SCN2A: variants seen among roughly 807,000 people sequenced by gnomAD.
The protein encoded by SCN2A is sodium channel protein type 2 subunit alpha.
SCN2A carries 20 observed loss-of-function variants against 188.7 expected under a neutral mutation model. The ratio of observed to expected loss-of-function variants is 0.11; its 90% CI spans 0.07 to 0.15. The LOEUF (loss-of-function observed/expected upper bound fraction) is 0.15. Among genes scored for constraint, SCN2A ranks in the 10% least tolerant of loss-of-function variants. SCN2A has a pLI of 1.00. For missense variants in SCN2A, 1,278 were observed against 2,445.0 expected (o/e 0.52, Z 10.07); for synonymous variants, 804 against 833.1 (o/e 0.97, Z 0.60).
intron 13 of SCN2A, 147 bp downstream of exon 13, chr2:165,327,131 C>T: frequency 9.9e-7 from 1 of 1,010,866 alleles, no homozygotes; most frequent in Non-Finnish European, 1.5e-6. Flanking sequence ...GTGCATAACT[C>T]ATGGATTCTA....
At chr2:165,364,049 A>G (rs1204316322) in intron 17 of SCN2A, among the ~76,000 whole-genome samples, 2 of 152,204 alleles carry the variant, frequency 1.3e-5, no homozygotes, top group African/African-American at 4.8e-5. Flanking sequence ...CCAAATATAA[A>G]TATAACATTT....
At chr2:165,260,795 C>T (rs1694559147) in intron 1 of SCN2A, among the ~76,000 whole-genome samples, 1 of 151,706 alleles carries the variant, frequency 6.6e-6, no homozygotes, top group Non-Finnish European at 1.5e-5. Flanking sequence ...GAAGAAACCC[C>T]CCTCTCTACT....
intron 1 of SCN2A, among the ~76,000 whole-genome samples, chr2:165,286,311 G>T (rs912391331): frequency 6.6e-6 from 1 of 152,182 alleles, no homozygotes; most frequent in Admixed American, 6.5e-5. Flanking sequence ...CTCACCATGT[G>T]CATGTAGGTA....
intron 16 of SCN2A, among the ~76,000 whole-genome samples, chr2:165,345,493 T>A (rs1559377638): frequency 6.6e-6 from 1 of 152,200 alleles, no homozygotes; most frequent in Admixed American, 6.5e-5. Flanking sequence ...CTTTTTTTAA[T>A]CTTTGTTGGT....
rs754993031 is a variant in SCN2A, at chr2:165,295,945, G to A, written c.122G>A (p.Arg41His). The A allele has an allele frequency of 6.8e-6, 11 of 1,613,978 alleles. No individual in the cohort carries two copies. Among genetic ancestry groups the A allele is most frequent in the Non-Finnish European group, 9.3e-6 (11 of 1,180,026 alleles). The part of the protein sequence containing the change: ...EEKAKRPKQE[R>H]KDEDDENGPK... ...AAAGCTAAGAGACCCAAACAGGAAC[G>A]CAAGGATGAGGATGATGAAAATGGC... Residue 41 changes from arginine (R) to histidine (H), a missense_variant, in exon 2 of 27, where the codon CGC becomes CAC. Coordinates refer to ENST00000375437, the MANE Select transcript of SCN2A (RefSeq NM_001040142.2).
intron 25 of SCN2A, among the ~76,000 whole-genome samples, chr2:165,384,366 T>C (rs1701754058): frequency 6.6e-6 from 1 of 152,108 alleles, no homozygotes; most frequent in Non-Finnish European, 1.5e-5. Context: ...CATAAATTTT[T>C]GGTGAATAAG....
chr2:165,364,823 A>G (rs1157333045), intron 17 of SCN2A, among the ~76,000 whole-genome samples: 5 of 152,242 alleles, frequency 3.3e-5, no homozygotes, highest in Non-Finnish European at 7.3e-5. Flanking sequence ...GTACAAAAGC[A>G]AGATCGCAGA....
At chr2:165,346,547 C>A (rs766011465) in intron 16 of SCN2A, among the ~76,000 whole-genome samples, 1 of 152,126 alleles carries the variant, frequency 6.6e-6, no homozygotes, top group African/African-American at 2.4e-5. Context: ...TTGGCATGGG[C>A]AAAGACTTCA....
At position 165,379,766 on chromosome 2, in the gene SCN2A, T is replaced by C. The variant is rs147399171; in HGVS notation, c.4309-826T>C. 7.5e-3 allele frequency among the ~76,000 whole-genome samples: 1,143 copies of C among 151,876 alleles called. 12 individuals are homozygous for C. Among genetic ancestry groups the C allele is most frequent in the Middle Eastern group, 0.017 (5 of 294 alleles). On this transcript the variant is annotated intron_variant, in intron 23 of 26. Transcript: ENST00000375437. ...ATTATGCTGGTCATAATCCTCTAAA[T>C]TGATTTCATAACACAGTGGGTTATA...
intron 25 of SCN2A, among the ~76,000 whole-genome samples, chr2:165,384,685 A>G (rs142875682): frequency 6.6e-6 from 1 of 152,252 alleles, no homozygotes; most frequent in East Asian, 1.9e-4. Context: ...AAAATTGAAT[A>G]AGAGCAAACC....
rs377063535 is a variant in SCN2A at position 165,388,927 on chromosome 2, G to A, written c.5121G>A (p.Leu1707=). ...FETFGNSMIC[L]FQITTSAGWD... ...CCTTTGGCAACAGCATGATCTGCCT[G>A]TTCCAAATTACAACCTCTGCTGGCT... The change falls in exon 27 of 27, where the codon CTG becomes CTA. Residue 1707 remains leucine, a synonymous_variant. Coordinates refer to ENST00000375437, the MANE Select transcript of SCN2A (RefSeq NM_001040142.2). 50 of 1,614,108 alleles carry A rather than the reference G, an allele frequency of 3.1e-5. No homozygotes were observed. In the African/African-American group the frequency reaches 3.7e-4, roughly 12 times the overall value.
chr2:165,298,408 C>A (rs899797033), intron 3 of SCN2A, among the ~76,000 whole-genome samples: 1 of 152,174 alleles, frequency 6.6e-6, no homozygotes, highest in Non-Finnish European at 1.5e-5. Flanking sequence ...CCCAGTATGG[C>A]AAATGTTGTC....
intron 1 of SCN2A, among the ~76,000 whole-genome samples, chr2:165,283,483 C>T (rs771141907): frequency 6.6e-6 from 1 of 152,144 alleles, no homozygotes; most frequent in Non-Finnish European, 1.5e-5. Flanking sequence ...ATCCTCCATG[C>T]CTGGGATAAG....
At chr2:165,282,210 C>T (rs1224545340) in intron 1 of SCN2A, among the ~76,000 whole-genome samples, 3 of 152,166 alleles carry the variant, frequency 2.0e-5, no homozygotes, top group East Asian at 1.9e-4. Flanking sequence ...TTCTCACCCA[C>T]CTCTAATCCA....
intron 1 of SCN2A, among the ~76,000 whole-genome samples, chr2:165,281,661 A>G (rs1204023271): frequency 2.6e-5 from 4 of 152,114 alleles, no homozygotes; most frequent in Middle Eastern, 3.4e-3. Flanking sequence ...CAGAATAGTG[A>G]CTCGACTGTT....
intron 1 of SCN2A, among the ~76,000 whole-genome samples, chr2:165,284,591 C>T (rs1695746459): frequency 6.6e-6 from 1 of 152,104 alleles, no homozygotes; most frequent in Non-Finnish European, 1.5e-5. Flanking sequence ...TTTTCTCCCC[C>T]ATAAAAGAGA....
intron 23 of SCN2A, among the ~76,000 whole-genome samples, chr2:165,379,554 CAT>C (rs1701491099): frequency 6.6e-6 from 1 of 151,688 alleles, no homozygotes; most frequent in Non-Finnish European, 1.5e-5. Flanking sequence ...ACTTATAAAA[CAT>C]ATTATATTTT....
chr2:165,381,195 G>A lies in SCN2A; in HGVS notation c.4549G>A (p.Ala1517Thr), dbSNP rs1701583848. 1.3e-6 allele frequency: 2 copies of A among 1,564,822 alleles called. No homozygotes were observed. The highest frequency in any genetic ancestry group is 1.7e-6 in the Non-Finnish European group (2 of 1,148,636). The change falls in exon 25 of 27, where the codon GCT becomes ACT. Residue 1517 changes from alanine (A) to threonine (T), a missense_variant and splice_region_variant. By Grantham distance (58) the Ala-to-Thr change is moderately conservative. Coordinates refer to ENST00000375437, the MANE Select transcript of SCN2A (RefSeq NM_001040142.2). Reference protein sequence around the residue: ...KKPQKPIPRPANKFQGMVFDF... With the variant: ...KKPQKPIPRPTNKFQGMVFDF... ...ACCACAAAAACCCATACCTCGACCT[G>A]CTGTAAGAATAACATATTTTCATTG... is the stretch of plus-strand genomic sequence containing the variant.
intron 26 of SCN2A, among the ~76,000 whole-genome samples, chr2:165,388,272 T>C (rs1701974926): frequency 6.6e-6 from 1 of 152,130 alleles, no homozygotes; most frequent in Non-Finnish European, 1.5e-5. Flanking sequence ...CATACACCTT[T>C]AGTTCTTATG....
Sources: gnomAD v4.1 joint callset for allele counts (sites outside exome capture counted in the v4.1 genomes callset) on GRCh38, gnomAD v4.1.1 for gene constraint, MANE v1.5 for transcripts, NCBI Gene and HGNC (gene_info 2026-07-23, HGNC 2026-07-21) for gene names.